Variants in GPN2 observed in about 807,000 individuals in gnomAD.
The protein encoded by GPN2 is GPN-loop GTPase 2.
A neutral mutation model predicts 30.1 loss-of-function variants in GPN2; 27 were observed. The observed-to-expected ratio is 0.90, with a 90% CI of 0.66 to 1.24. GPN2 has a LOEUF of 1.24. GPN2 is among the 50% of genes most tolerant of loss of function. The pLI is 0.00. For missense variants in GPN2, 406 were observed against 405.4 expected, an observed-to-expected ratio of 1.00 and a Z score of -0.01; for synonymous variants, 212 against 174.4, an observed-to-expected ratio of 1.22 and a Z score of -1.70.
intron 2 of GPN2, among the ~76,000 whole-genome samples, chr1:26,888,485 T>C (rs2081902828): frequency 6.6e-6 from 1 of 152,210 alleles, no homozygotes; most frequent in Non-Finnish European, 1.5e-5. Context: ...CAGCACAAAC[T>C]GACTAAGACA....
intron 3 of GPN2, among the ~76,000 whole-genome samples, chr1:26,885,641 G>A (rs1004534156): frequency 6.7e-6 from 1 of 149,602 alleles, no homozygotes; most frequent in South Asian, 2.1e-4. Context: ...GAGCAATGGC[G>A]TGGTCTCGGC....
rs1176269031 is a variant in GPN2, at chr1:26,890,022, G to A, written c.75C>T (p.Tyr25=). The A allele has an allele frequency of 1.3e-6, 2 of 1,597,830 alleles. No individual in the cohort carries two copies. Among genetic ancestry groups the A allele is most frequent in the Admixed American group, 1.7e-5 (1 of 59,832 alleles). Residue 25 remains tyrosine (Y), a synonymous_variant, in exon 1 of 5, where the codon TAC becomes TAT. Transcript: ENST00000374135. ...IGPPGSGKTT[Y]CLGMSEFLRA... ...GCAGGAACTCACTCATGCCCAGGCA[G>A]TACGTGGTCTTCCCTGAGCCCGGCG...
intron 4 of GPN2, among the ~76,000 whole-genome samples, chr1:26,881,192 C>T (rs969673399): frequency 6.6e-6 from 1 of 152,124 alleles, no homozygotes; most frequent in Non-Finnish European, 1.5e-5. Flanking sequence ...GGGGTTACAT[C>T]CTGATAAACC....
intron 4 of GPN2, among the ~76,000 whole-genome samples, chr1:26,881,975 G>T (rs1412189449): frequency 6.6e-6 from 1 of 152,192 alleles, no homozygotes; most frequent in Non-Finnish European, 1.5e-5. Context: ...CAGCACTTTG[G>T]GAGGCCAAGG....
At chr1:26,889,546 A>G in intron 1 of GPN2, 140 bp downstream of exon 1, 1 of 748,920 alleles carries the variant, frequency 1.3e-6, no homozygotes, top group Admixed American at 2.6e-5. Context: ...TCAGTAGCAG[A>G]GCCAGATTCT....
Position 26,889,794 on chromosome 1 carries a change from G to A in GPN2, c.303C>T (p.Pro101=), listed in dbSNP as rs2081910980. Residue 101 remains proline, a synonymous_variant, in exon 1 of 5, where the codon CCC becomes CCT. Transcript: ENST00000374135. ...CGAAGAGGAAGTAGTGGCCGCGGAG[G>A]GGGTCGAGCTTGGCACGCAGCCAGT... ...NLDWLRAKLD[P]LRGHYFLFDC... is the part of the protein sequence containing the mutation. 1.2e-6 allele frequency: 2 copies of A among 1,613,894 alleles called. No homozygotes were observed. Among genetic ancestry groups the A allele is most frequent in the South Asian group, 2.2e-5 (2 of 91,082 alleles).
chr1:26,889,475 T>A (rs2081908629), intron 1 of GPN2, among the ~76,000 whole-genome samples: 2 of 152,166 alleles, frequency 1.3e-5, no homozygotes, highest in Admixed American at 1.3e-4. Flanking sequence ...CTAACACATT[T>A]TACACGTGAG....
chr1:26,887,129 CTG>C (rs2081895099), intron 2 of GPN2, among the ~76,000 whole-genome samples: 1 of 152,122 alleles, frequency 6.6e-6, no homozygotes, highest in South Asian at 2.1e-4. Flanking sequence ...TGCAAAGACT[CTG>C]TAAATGGTTA....
rs753098069 is a variant in GPN2 at position 26,879,698 on chromosome 1, C to A, written c.912G>T (p.Glu304Asp). The A allele has an allele frequency of 4.3e-6, 7 of 1,613,842 alleles. No homozygotes were observed. The highest frequency in any genetic ancestry group is 5.9e-6 in the Non-Finnish European group (7 of 1,179,766). Residue 304 changes from glutamate to aspartate, a missense_variant, in exon 5 of 5, where the codon GAG becomes GAT. Transcript: ENST00000374135. ...KYLAPSNQSV[E>D]QEAMQL ...GTTGCTACAGCTGCATGGCTTCCTGCTCCACTGACTGGTTCGAGGGTGCCA... is the reference window on the plus strand; with the variant it reads ...GTTGCTACAGCTGCATGGCTTCCTGATCCACTGACTGGTTCGAGGGTGCCA...
chr1:26,888,096 G>A (rs2081900632), intron 2 of GPN2, among the ~76,000 whole-genome samples: 1 of 151,686 alleles, frequency 6.6e-6, no homozygotes, highest in Non-Finnish European at 1.5e-5. Context: ...CTGACCTCAG[G>A]TGATCTGCCC....
In GPN2 at chr1:26,879,509, C is replaced by T; in HGVS notation, c.*168G>A. ...AGTATGGGGGGTGTTCTGCTTGGCA[C>T]CATGTCTGGCTTTTTGGCCAGAAGT... On this transcript the variant is annotated 3_prime_UTR_variant, in exon 5 of 5. Coordinates refer to ENST00000374135, the MANE Select transcript of GPN2 (RefSeq NM_018066.4). 1.6e-6 allele frequency: 1 copy of T among 624,946 alleles called. No homozygotes were observed. Among genetic ancestry groups the T allele is most frequent in the Non-Finnish European group, 2.9e-6 (1 of 340,556 alleles). The allele number at this position is 624,946 out of a possible 1,614,324, so 38.7% of individuals were successfully genotyped here. A position where few individuals can be genotyped will look rare whatever the true frequency, so the allele number is the denominator to read the frequency against.
At chr1:26,886,351 A>G (rs2081891094) in intron 2 of GPN2, 2 of 605,732 alleles carry the variant, frequency 3.3e-6, no homozygotes, top group Admixed American at 4.4e-5. Context: ...ACTGTTATGA[A>G]GATTAAATGC....
chr1:26,879,714 G>C lies in GPN2; in HGVS notation c.896C>G (p.Ser299Trp), dbSNP rs758845776. The C allele has an allele frequency of 8.1e-6, 13 of 1,613,866 alleles. No homozygotes were observed. The highest frequency in any genetic ancestry group is 9.3e-6 in the Non-Finnish European group (11 of 1,179,844). The change falls in exon 5 of 5, where the codon TCG becomes TGG. Residue 299 changes from serine (S) to tryptophan (W), a missense_variant. Physicochemically the swap from Ser to Trp is radical, Grantham distance 177. Transcript: ENST00000374135. ...GGCTTCCTGCTCCACTGACTGGTTC[G>C]AGGGTGCCAGGTACTTCTCCTGGAT... ...LGIQEKYLAPSNQSVEQEAMQ... is the reference protein window; with the variant it reads ...LGIQEKYLAPWNQSVEQEAMQ...
In GPN2 at chr1:26,878,638, A is replaced by C. The variant is rs1258193603; in HGVS notation, c.*1039T>G. On this transcript the variant is annotated 3_prime_UTR_variant, in exon 5 of 5. Transcript: ENST00000374135. ...TGAGACAAAGTCTCGCTCTGTCACC[A>C]GGCTGGAGTGCAGTGGTGCAATCTC... 5 of 151,880 alleles carry C rather than the reference A, an allele frequency of 3.3e-5. No individual in the cohort carries two copies. The highest frequency in any genetic ancestry group is 7.4e-5 in the Non-Finnish European group (5 of 68,012). The allele number at this position is 151,880 out of a possible 1,614,324, so 9.4% of individuals were successfully genotyped here. A position where few individuals can be genotyped will look rare whatever the true frequency, so the allele number is the denominator to read the frequency against.
Position 26,879,622 on chromosome 1 carries a change from TCCACTTTCC to T in GPN2, c.*46_*54del. ...GGGTCTGCAGCCTGCATCAGGAGCC[TCCACTTTCC>T]CCAGTGCTGGATTATGCATCCTGCT... is the stretch of plus-strand genomic sequence containing the variant. On this transcript the variant is annotated 3_prime_UTR_variant, in exon 5 of 5. Coordinates refer to ENST00000374135, the MANE Select transcript of GPN2 (RefSeq NM_018066.4). 1 of 1,343,384 alleles carries T rather than the reference TCCACTTTCC, an allele frequency of 7.4e-7. No individual in the cohort carries two copies. The highest frequency in any genetic ancestry group is 1.1e-6 in the Non-Finnish European group (1 of 939,418). 83.2% of individuals were successfully genotyped at this position (1,343,384 alleles called of 1,614,324 possible).
chr1:26,884,186 T>C lies in GPN2; in HGVS notation c.834A>G (p.Ala278=). 6.2e-7 allele frequency: 1 copy of C among 1,613,884 alleles called. No individual in the cohort carries two copies. Among genetic ancestry groups the C allele is most frequent in the Non-Finnish European group, 8.5e-7 (1 of 1,179,924 alleles). ...QRSLEAMMSA[A]MGADFHFSST... is the part of the protein sequence containing the mutation. ...AAGAGAAATGGAAGTCGGCTCCCAT[T>C]GCGGCAGACATCATGGCTTCCAAGC... The change falls in exon 4 of 5, where the codon GCA becomes GCG. Residue 278 remains alanine (A), a synonymous_variant. Coordinates refer to ENST00000374135, the MANE Select transcript of GPN2 (RefSeq NM_018066.4).
chr1:26,879,648 C>G lies in GPN2; in HGVS notation c.*29G>C, dbSNP rs1175986212. ...CCACTTTCCCCAGTGCTGGATTATG[C>G]ATCCTGCTCTCCAGGGTCCACCTTG... On this transcript the variant is annotated 3_prime_UTR_variant, in exon 5 of 5. Coordinates refer to ENST00000374135, the MANE Select transcript of GPN2 (RefSeq NM_018066.4). The G allele has an allele frequency of 6.5e-7, 1 of 1,540,862 alleles. No homozygotes were observed. The highest frequency in any genetic ancestry group is 9.0e-7 in the Non-Finnish European group (1 of 1,114,276).
intron 2 of GPN2, among the ~76,000 whole-genome samples, chr1:26,887,533 G>A (rs1439936651): frequency 6.6e-6 from 1 of 151,990 alleles, no homozygotes; most frequent in Admixed American, 6.6e-5. Flanking sequence ...TGCTATTTAG[G>A]GAACAATGTC....
chr1:26,887,631 G>T (rs1248585150), intron 2 of GPN2, among the ~76,000 whole-genome samples: 6 of 151,230 alleles, frequency 4.0e-5, no homozygotes, highest in Admixed American at 3.3e-4. Context: ...GCATGATCTC[G>T]GCTCACTGCA....
Sources: gnomAD v4.1 joint callset for allele counts (sites outside exome capture counted in the v4.1 genomes callset) on GRCh38, gnomAD v4.1.1 for gene constraint, MANE v1.5 for transcripts, NCBI Gene and HGNC (gene_info 2026-07-23, HGNC 2026-07-21) for gene names.